PXDNL: variants seen among roughly 807,000 people sequenced by gnomAD.
PXDNL encodes probable oxidoreductase PXDNL.
In PXDNL, 145 loss-of-function variants were observed where a neutral mutation model predicts 150.8. The ratio of observed to expected loss-of-function variants is 0.96; its 90% CI spans 0.84 to 1.10. The LOEUF (loss-of-function observed/expected upper bound fraction) is 1.10, where lower values mean the gene tolerates loss of function less well. Among genes scored for constraint, PXDNL ranks in the 50% least tolerant of loss-of-function variants. The pLI is 0.00. For synonymous variants in PXDNL, 757 were observed against 725.7 expected (o/e 1.04, Z -0.69); for missense variants, 2,087 against 1,873.9 (o/e 1.11, Z -2.10).
In PXDNL at chr8:51,409,205, C is replaced by G. The variant is rs1201243638; in HGVS notation, c.2419G>C (p.Gly807Arg). The change falls in exon 17 of 23, where the codon GGC becomes CGC. Residue 807 changes from glycine (G) to arginine (R), a missense_variant. Gly to Arg is a moderately radical substitution (Grantham distance 125). Coordinates refer to ENST00000356297, the MANE Select transcript of PXDNL (RefSeq NM_144651.5). ...HSYTRMLMHW[G>R]WFLEHDLDHT... Reference sequence around the variant, plus strand: ...TCCAAGTCGTGCTCTAGAAACCAGCCCCAGTGCATGAGCATGCGCGTGTAG... The same window carrying G: ...TCCAAGTCGTGCTCTAGAAACCAGCGCCAGTGCATGAGCATGCGCGTGTAG... 2.5e-6 allele frequency: 4 copies of G among 1,584,586 alleles called. No homozygotes were observed. The highest frequency in any genetic ancestry group is 3.4e-6 in the Non-Finnish European group (4 of 1,170,598).
At chr8:51,660,857 C>T (rs372731639) in intron 1 of PXDNL, among the ~76,000 whole-genome samples, 3 of 152,148 alleles carry the variant, frequency 2.0e-5, no homozygotes, top group East Asian at 3.9e-4. Context: ...TGAGGGCAGA[C>T]TCTACTCCCT....
intron 1 of PXDNL, among the ~76,000 whole-genome samples, chr8:51,757,260 A>C (rs1427069705): frequency 2.6e-5 from 4 of 152,162 alleles, no homozygotes; most frequent in Non-Finnish European, 4.4e-5. Flanking sequence ...CCATCCAGTG[A>C]AAAATTGCAG....
chr8:51,728,895 T>G (rs1816868295), intron 1 of PXDNL, among the ~76,000 whole-genome samples: 1 of 152,186 alleles, frequency 6.6e-6, no homozygotes, highest in South Asian at 2.1e-4. Context: ...ACTCACTGAC[T>G]TCCCCCAGAG....
chr8:51,793,754 T>C (rs1393579139), intron 1 of PXDNL, among the ~76,000 whole-genome samples: 2 of 151,870 alleles, frequency 1.3e-5, no homozygotes, highest in African/African-American at 4.8e-5. Context: ...TTGGGCGTGG[T>C]GACTGACACA....
At chr8:51,570,446 T>C (rs1487296328) in intron 3 of PXDNL, among the ~76,000 whole-genome samples, 1 of 151,872 alleles carries the variant, frequency 6.6e-6, no homozygotes, top group East Asian at 1.9e-4. Flanking sequence ...TTTTGGTCTA[T>C]TGTCACCAAG....
In PXDNL at chr8:51,409,459, C is replaced by T; in HGVS notation, c.2165G>A (p.Cys722Tyr). The T allele has an allele frequency of 6.2e-7, 1 of 1,612,742 alleles. No homozygotes were observed. The highest frequency in any genetic ancestry group is 1.1e-5 in the South Asian group (1 of 91,072). ...RRPLPNCSNR[C>Y]FHAKYRAHDG... is the part of the protein sequence containing the mutation. The stretch of plus-strand genomic sequence containing the variant: ...GTGGGCGCGGTACTTCGCATGGAAA[C>T]ACCGGTTGGAGCAGTTTGGCAGAGG... Residue 722 changes from cysteine to tyrosine, a missense_variant, in exon 17 of 23, where the codon TGT becomes TAT. Physicochemically the swap from Cys to Tyr is radical, Grantham distance 194. Coordinates refer to ENST00000356297, the MANE Select transcript of PXDNL (RefSeq NM_144651.5).
intron 12 of PXDNL, among the ~76,000 whole-genome samples, chr8:51,434,849 A>G (rs962247442): frequency 1.3e-5 from 2 of 152,222 alleles, no homozygotes; most frequent in Non-Finnish European, 2.9e-5. Context: ...TTAGCATTCT[A>G]TAGATTGCCT....
intron 4 of PXDNL, among the ~76,000 whole-genome samples, chr8:51,524,234 C>T (rs1811720826): frequency 6.6e-6 from 1 of 152,168 alleles, no homozygotes; most frequent in Admixed American, 6.5e-5. Flanking sequence ...TGTTTTCATC[C>T]TCTGAAAAGC....
chr8:51,745,689 C>T (rs972970414), intron 1 of PXDNL, among the ~76,000 whole-genome samples: 3 of 152,094 alleles, frequency 2.0e-5, no homozygotes, highest in African/African-American at 7.2e-5. Context: ...GAGGCACAGG[C>T]ACCCTGAGGT....
intron 4 of PXDNL, among the ~76,000 whole-genome samples, chr8:51,538,415 GA>G (rs543617672): frequency 4.6e-5 from 7 of 151,950 alleles, no homozygotes; most frequent in Non-Finnish European, 8.8e-5. Context: ...AGACTGAGGG[GA>G]TGATTAGAAA....
intron 2 of PXDNL, among the ~76,000 whole-genome samples, chr8:51,607,041 G>A (rs1460460704): frequency 6.6e-6 from 1 of 152,124 alleles, no homozygotes; most frequent in Non-Finnish European, 1.5e-5. Flanking sequence ...AAACTTATGT[G>A]TTTGGGATTT....
At chr8:51,768,231 T>G (rs1480381403) in intron 1 of PXDNL, among the ~76,000 whole-genome samples, 2 of 152,194 alleles carry the variant, frequency 1.3e-5, no homozygotes, top group African/African-American at 4.8e-5. Flanking sequence ...ATGATTATTT[T>G]TAATTTATTT....
intron 5 of PXDNL, among the ~76,000 whole-genome samples, chr8:51,499,441 G>GT (rs2130285572): frequency 6.6e-6 from 1 of 152,244 alleles, no homozygotes; most frequent in African/African-American, 2.4e-5. Context: ...CCTGATGTAA[G>GT]TTTTTTAAAT....
intron 4 of PXDNL, among the ~76,000 whole-genome samples, chr8:51,505,512 G>A (rs1811266345): frequency 6.6e-6 from 1 of 152,160 alleles, no homozygotes; most frequent in Non-Finnish European, 1.5e-5. Flanking sequence ...TACGGTCAAT[G>A]TTCTCAACCT....
intron 2 of PXDNL, among the ~76,000 whole-genome samples, chr8:51,635,817 A>T (rs538587932): frequency 6.6e-6 from 1 of 152,200 alleles, no homozygotes; most frequent in East Asian, 1.9e-4. Flanking sequence ...TTTTCCAAAA[A>T]AATAGAAGAG....
At chr8:51,411,487 A>G in intron 15 of PXDNL, 80 bp from the exon 16 acceptor site, 2 of 1,287,734 alleles carry the variant, frequency 1.6e-6, no homozygotes, top group East Asian at 3.0e-5. Flanking sequence ...TGCATTTAAA[A>G]AGGCATTTCC....
chr8:51,400,320 A>C (rs1808208950), intron 17 of PXDNL, among the ~76,000 whole-genome samples: 2 of 152,210 alleles, frequency 1.3e-5, no homozygotes, highest in South Asian at 4.1e-4. Flanking sequence ...AACTGGTCAC[A>C]TGAGTTCAGG....
At position 51,772,867 on chromosome 8, in the gene PXDNL, T is replaced by C. The variant is rs574399503; in HGVS notation, c.164+36314A>G. ...GTCTTGGAGGGTCCAACTTGGAAAA[T>C]TGAGGGGCACTGACCCCATTAAAGG... On this transcript the variant is annotated intron_variant, in intron 1 of 22. Transcript: ENST00000356297. 1.3e-3 allele frequency among the ~76,000 whole-genome samples: 203 copies of C among 151,984 alleles called. 3 individuals carry two copies. Among genetic ancestry groups the C allele is most frequent in the Non-Finnish European group, 2.0e-3 (139 of 67,968 alleles).
chr8:51,793,809 C>T (rs940882807), intron 1 of PXDNL, among the ~76,000 whole-genome samples: 6 of 152,000 alleles, frequency 3.9e-5, no homozygotes, highest in Admixed American at 1.3e-4. Flanking sequence ...ATGAGAATCA[C>T]TTGAATCTGG....
Sources: allele counts gnomAD v4.1 joint callset (sites outside exome capture counted in the v4.1 genomes callset), GRCh38; gene constraint gnomAD v4.1.1; transcripts MANE v1.5; gene names NCBI Gene and HGNC (gene_info 2026-07-23, HGNC 2026-07-21).